Variants in MAP2 observed in about 807,000 individuals in gnomAD.
MAP2 encodes microtubule associated protein 2, also known as microtubule-associated protein 2.
Under a neutral mutation model 137.6 loss-of-function variants are expected in MAP2, and 14 were observed. The ratio of observed to expected loss-of-function variants is 0.10; its 90% CI spans 0.07 to 0.16. The LOEUF is 0.16. MAP2 is among the 10% of genes least tolerant of loss of function. The probability of loss-of-function intolerance (pLI) is 1.00; values close to 1 mark genes in which losing one functional copy is unlikely to be tolerated. For synonymous variants in MAP2, 786 were observed against 782.3 expected (o/e 1.00, Z -0.08); for missense variants, 2,088 against 2,191.5 (o/e 0.95, Z 0.94).
intron 11 of MAP2, chr2:209,704,746 A>G (rs1392201011): frequency 7.6e-5 from 59 of 774,364 alleles, no homozygotes; most frequent in Non-Finnish European, 9.9e-5. Context: ...ACACATAAAC[A>G]GTAGGCCCTT....
At chr2:209,441,432 A>T (rs1004061388) in intron 1 of MAP2, among the ~76,000 whole-genome samples, 1 of 151,554 alleles carries the variant, frequency 6.6e-6, no homozygotes, top group Non-Finnish European at 1.5e-5. Context: ...ATTCTCTGAG[A>T]ATGTCTTCCA....
chr2:209,479,204 T>G, intron 1 of MAP2, among the ~76,000 whole-genome samples: 1 of 152,148 alleles, frequency 6.6e-6, no homozygotes. Flanking sequence ...AATTTTTTCC[T>G]TATATGGTTG....
intron 4 of MAP2, among the ~76,000 whole-genome samples, chr2:209,626,000 A>G (rs1461043019): frequency 2.6e-5 from 4 of 152,188 alleles, no homozygotes; most frequent in Non-Finnish European, 5.9e-5. Context: ...ATTTCAATTT[A>G]GTTTTTTTAA....
At chr2:209,458,918 A>G (rs1702138591) in intron 1 of MAP2, among the ~76,000 whole-genome samples, 4 of 152,170 alleles carry the variant, frequency 2.6e-5, no homozygotes, top group African/African-American at 9.6e-5. Context: ...TATGTAGCTT[A>G]TAGGGCTGTT....
chr2:209,444,162 T>C (rs1051475962), intron 1 of MAP2, among the ~76,000 whole-genome samples: 9 of 151,530 alleles, frequency 5.9e-5, no homozygotes, highest in Non-Finnish European at 1.0e-4. Context: ...ACATTAACCA[T>C]TAACACCAGC....
At position 209,695,771 on chromosome 2, in the gene MAP2, A is replaced by G. The variant is rs780949649; in HGVS notation, c.3601A>G (p.Lys1201Glu). The G allele has an allele frequency of 4.3e-6, 7 of 1,613,816 alleles. No individual in the cohort carries two copies. Among genetic ancestry groups the G allele is most frequent in the Non-Finnish European group, 5.9e-6 (7 of 1,179,994 alleles). ...CCAGATGGAATTTATTCAGGGGCCA[A>G]AAGAAGAAAGCAAAGAGACCCCAGA... ...DVQMEFIQGP[K>E]EESKETPDIS... The change falls in exon 8 of 16, where the codon AAA (lysine) becomes GAA (glutamate). Residue 1201 changes from lysine to glutamate, a missense_variant. Transcript: ENST00000682079.
chr2:209,663,304 A>G (rs999406699), intron 5 of MAP2, among the ~76,000 whole-genome samples: 3 of 152,158 alleles, frequency 2.0e-5, no homozygotes, highest in Non-Finnish European at 2.9e-5. Flanking sequence ...GATGAACAGA[A>G]CAACTGGTGC....
At chr2:209,518,720 A>G (rs1424773519) in intron 2 of MAP2, among the ~76,000 whole-genome samples, 1 of 152,050 alleles carries the variant, frequency 6.6e-6, no homozygotes, top group Non-Finnish European at 1.5e-5. Context: ...AGTTACATAG[A>G]TATATACTGC....
intron 7 of MAP2, chr2:209,690,804 A>G (rs2058631232): frequency 7.8e-7 from 1 of 1,289,266 alleles, no homozygotes. Flanking sequence ...AAAGAGGTCA[A>G]GGAGGTGTCT....
Position 209,696,279 on chromosome 2 carries a change from A to G in MAP2, c.4109A>G (p.Asp1370Gly). Residue 1370 changes from aspartate (D) to glycine (G), a missense_variant, in exon 8 of 16, where the codon GAC becomes GGC. By Grantham distance (94) the Asp-to-Gly change is moderately conservative. This residue lies in a region of MAP2 where 591 missense variants were observed against 642.6 expected (regional missense o/e 0.92). Transcript: ENST00000682079. ...TCTGAATATAAGACAGAAACCTATG[A>G]CGATTACAAAGATGAGACCACCATT... The part of the protein sequence containing the change: ...ALSEYKTETY[D>G]DYKDETTIDD... 1 of 1,605,060 alleles carries G rather than the reference A, an allele frequency of 6.2e-7. No individual in the cohort carries two copies. Among genetic ancestry groups the G allele is most frequent in the Non-Finnish European group, 8.5e-7 (1 of 1,177,326 alleles).
At chr2:209,723,026 T>C (rs2071929930) in intron 13 of MAP2, among the ~76,000 whole-genome samples, 1 of 152,238 alleles carries the variant, frequency 6.6e-6, no homozygotes, top group Non-Finnish European at 1.5e-5. Context: ...AGTTTCTTCG[T>C]TGACCCTCCT....
At chr2:209,629,201 A>G (rs917697832) in intron 4 of MAP2, among the ~76,000 whole-genome samples, 13 of 152,230 alleles carry the variant, frequency 8.5e-5, no homozygotes, top group Non-Finnish European at 1.5e-5. Context: ...TCTTTTAACT[A>G]AATAATAATA....
At chr2:209,576,511 T>G (rs913930018) in intron 2 of MAP2, among the ~76,000 whole-genome samples, 2 of 151,992 alleles carry the variant, frequency 1.3e-5, no homozygotes, top group Non-Finnish European at 2.9e-5. Context: ...CCTCCCAAAG[T>G]GCTGAGATTA....
At chr2:209,730,071 G>T in intron 15 of MAP2, 109 bp downstream of exon 15, 9 of 1,138,216 alleles carry the variant, frequency 7.9e-6, no homozygotes, top group Non-Finnish European at 1.2e-5. Context: ...TAAGAAGTGG[G>T]GATAACAGAG....
At chr2:209,486,102 A>AC (rs2058344604) in intron 1 of MAP2, among the ~76,000 whole-genome samples, 1 of 152,200 alleles carries the variant, frequency 6.6e-6, no homozygotes, top group Admixed American at 6.5e-5. Context: ...AACCTTGTTG[A>AC]CAACTTCTTC....
In MAP2 at chr2:209,575,332, T is replaced by C. The variant is rs535162719; in HGVS notation, c.-171-4704T>C. 1.3e-4 allele frequency among the ~76,000 whole-genome samples: 20 copies of C among 151,892 alleles called. No individual in the cohort carries two copies. The South Asian group carries it at 3.7e-3, about 28-fold the overall frequency. On this transcript the variant is annotated intron_variant, in intron 2 of 15. Coordinates refer to ENST00000682079, the MANE Select transcript of MAP2 (RefSeq NM_001375505.1). ...GTCAGAAGATCGAGACCATCCTGGC[T>C]AACACAGTGAAACCCCGTCTCTACT...
rs1443025684 is a variant in MAP2 at position 209,694,581 on chromosome 2, C to T, written c.2411C>T (p.Pro804Leu). The change falls in exon 8 of 16, where the codon CCT becomes CTT. Residue 804 changes from proline (P) to leucine (L), a missense_variant. Physicochemically the swap from Pro to Leu is moderately conservative, Grantham distance 98 (BLOSUM62 -3). Around this residue, in one of 6 missense-constraint regions of MAP2, gnomAD observed 500 missense variants for 482.9 expected, o/e 1.04. Transcript: ENST00000682079. ...TACAAAAATGGTACTGTCATGGCAC[C>T]TGACCTTCCTGAAATGCTAGATCTG... is the stretch of plus-strand genomic sequence containing the variant. ...DFYKNGTVMA[P>L]DLPEMLDLAG... The T allele has an allele frequency of 6.2e-6, 10 of 1,613,856 alleles. No individual in the cohort carries two copies. Among genetic ancestry groups the T allele is most frequent in the Non-Finnish European group, 8.5e-6 (10 of 1,179,908 alleles).
At chr2:209,702,770 T>C (rs1159328091) in intron 11 of MAP2, among the ~76,000 whole-genome samples, 1 of 152,028 alleles carries the variant, frequency 6.6e-6, no homozygotes, top group Non-Finnish European at 1.5e-5. Flanking sequence ...GCTGACCCAA[T>C]TACACTTCCC....
At position 209,714,063 on chromosome 2, in the gene MAP2, T is replaced by A. The variant is rs2191911; in HGVS notation, c.5073+3809T>A. 0.017 allele frequency among the ~76,000 whole-genome samples: 2,593 copies of A among 150,914 alleles called. 160 individuals carry two copies. In the East Asian group the frequency reaches 0.21, roughly 12 times the overall value. On this transcript the variant is annotated intron_variant, in intron 13 of 15. Coordinates refer to ENST00000682079, the MANE Select transcript of MAP2 (RefSeq NM_001375505.1). ...AAAAAAAAAAGAAAATAGCCAGGCGTGGTGGTGGGCACCAGTAATCCCAGC... is the reference window on the plus strand; with the variant it reads ...AAAAAAAAAAGAAAATAGCCAGGCGAGGTGGTGGGCACCAGTAATCCCAGC...
Sources: allele counts gnomAD v4.1 joint callset (sites outside exome capture counted in the v4.1 genomes callset), GRCh38; gene constraint gnomAD v4.1.1; regional missense constraint gnomAD v4.1.1; transcripts MANE v1.5; gene names NCBI Gene and HGNC (gene_info 2026-07-23, HGNC 2026-07-21).